TMEM63A: variants seen among roughly 807,000 people sequenced by gnomAD.
TMEM63A encodes transmembrane protein 63A.
A neutral mutation model predicts 100.6 loss-of-function variants in TMEM63A; 76 were observed. The ratio of observed to expected loss-of-function variants is 0.76; its 90% CI spans 0.63 to 0.91. The LOEUF is 0.91. Among genes scored for constraint, TMEM63A ranks in the 40% least tolerant of loss-of-function variants. The pLI, the probability that TMEM63A is intolerant of heterozygous loss-of-function variation, is 0.00. For missense variants in TMEM63A, 876 were observed against 1,008.8 expected (o/e 0.87, Z 1.78); for synonymous variants, 401 against 401.1 (o/e 1.00, Z 0.00).
chr1:225,848,679 G>A (rs1262062045), intron 22 of TMEM63A, 125 bp from the exon 23 acceptor site: 2 of 1,071,904 alleles, frequency 1.9e-6, no homozygotes, highest in Non-Finnish European at 2.7e-6. Flanking sequence ...CTCCCCAGCA[G>A]CCCGAGAGAG....
At chr1:225,873,042 C>CTT (rs1366997661) in intron 4 of TMEM63A, among the ~76,000 whole-genome samples, 3 of 152,114 alleles carry the variant, frequency 2.0e-5, no homozygotes, top group Non-Finnish European at 4.4e-5. Flanking sequence ...TGCCCCCCTA[C>CTT]TAAAGACAAA....
Position 225,855,876 on chromosome 1 carries a change from A to G in TMEM63A, c.1634+2T>C. 1 of 1,613,520 alleles carries G rather than the reference A, an allele frequency of 6.2e-7. No homozygotes were observed. Among genetic ancestry groups the G allele is most frequent in the African/African-American group, 1.3e-5 (1 of 74,868 alleles). On this transcript the variant is annotated splice_donor_variant, in intron 18 of 24. Coordinates refer to ENST00000366835, the MANE Select transcript of TMEM63A (RefSeq NM_014698.3). LOFTEE classifies it high-confidence loss of function. ...TCCAGAACTCAACTTGGCAATACTC[A>G]CTCCAACCTGATGGAGGCCTCCGAG...
chr1:225,841,894 G>A (rs1559026164), downstream of TMEM63A, among the ~76,000 whole-genome samples: 1 of 152,182 alleles, frequency 6.6e-6, no homozygotes, highest in Non-Finnish European at 1.5e-5. Flanking sequence ...ATGAGCCAAT[G>A]CCCCCAGCCT....
chr1:225,844,753 T>G, downstream of TMEM63A: 1 of 1,429,108 alleles, frequency 7.0e-7, no homozygotes, highest in Non-Finnish European at 9.5e-7. Flanking sequence ...CCAGGGGCCC[T>G]TGGATGGGAA....
At chr1:225,852,577 C>A in intron 20 of TMEM63A, 87 bp downstream of exon 20, 1 of 1,300,598 alleles carries the variant, frequency 7.7e-7, no homozygotes, top group Non-Finnish European at 1.1e-6. Context: ...CTCCATTGTG[C>A]CCTGGTGATA....
intron 2 of TMEM63A, chr1:225,877,805 G>C: frequency 4.0e-6 from 2 of 503,898 alleles, no homozygotes; most frequent in South Asian, 5.2e-5. Context: ...CAATCTCAGG[G>C]GATCAGATGG....
At chr1:225,873,095 T>C (rs1371280711) in intron 4 of TMEM63A, among the ~76,000 whole-genome samples, 1 of 152,172 alleles carries the variant, frequency 6.6e-6, no homozygotes, top group African/African-American at 2.4e-5. Context: ...GCAGAGACAC[T>C]GTCCCTTTTG....
intron 20 of TMEM63A, among the ~76,000 whole-genome samples, chr1:225,851,964 T>C (rs1669363047): frequency 6.6e-6 from 1 of 152,252 alleles, no homozygotes; most frequent in Admixed American, 6.5e-5. Context: ...GAAGGGGGAA[T>C]AGAAACAGGA....
chr1:225,858,983 TG>T (rs1414217432), intron 15 of TMEM63A, among the ~76,000 whole-genome samples: 2 of 151,362 alleles, frequency 1.3e-5, no homozygotes, highest in Non-Finnish European at 1.5e-5. Flanking sequence ...TGTGTGTGTG[TG>T]TGTGTGTGTG....
At chr1:225,856,451 T>C (rs1394270441) in intron 17 of TMEM63A, among the ~76,000 whole-genome samples, 5 of 151,906 alleles carry the variant, frequency 3.3e-5, no homozygotes, top group East Asian at 1.9e-4. Context: ...ATGGTGTTTT[T>C]TTCTTTTTTA....
intron 14 of TMEM63A, 134 bp from the exon 15 acceptor site, chr1:225,859,483 C>T (rs1374950515): frequency 5.7e-6 from 6 of 1,057,820 alleles, no homozygotes; most frequent in Non-Finnish European, 8.1e-6. Context: ...CCTTCAACTA[C>T]AGAAAGACCA....
At chr1:225,843,265 G>A (rs1668585932), downstream of TMEM63A, among the ~76,000 whole-genome samples, 1 of 152,202 alleles carries the variant, frequency 6.6e-6, no homozygotes, top group Admixed American at 6.5e-5. Flanking sequence ...TATCTGATTT[G>A]GGCCTTGGAG....
chr1:225,852,513 G>A (rs911506356), intron 20 of TMEM63A, 151 bp downstream of exon 20: 16 of 667,996 alleles, frequency 2.4e-5, no homozygotes, highest in Non-Finnish European at 3.9e-5. Context: ...AGTGAAATCT[G>A]GTGTCACGTG....
intron 3 of TMEM63A, among the ~76,000 whole-genome samples, chr1:225,875,588 G>T (rs937701187): frequency 2.0e-5 from 3 of 152,184 alleles, no homozygotes; most frequent in African/African-American, 7.2e-5. Context: ...TATTTTCAAA[G>T]GCAGGTGAGT....
intron 19 of TMEM63A, 112 bp from the exon 20 acceptor site, chr1:225,852,881 A>C (rs1055520424): frequency 1.1e-6 from 1 of 918,472 alleles, no homozygotes; most frequent in Non-Finnish European, 1.7e-6. Flanking sequence ...TGGAAATAGG[A>C]GATGCGTGGC....
intron 23 of TMEM63A, among the ~76,000 whole-genome samples, chr1:225,847,758 G>A (rs1373924499): frequency 1.3e-5 from 2 of 152,176 alleles, no homozygotes; most frequent in Admixed American, 6.5e-5. Context: ...CAGGTGTGTC[G>A]CTGGGTAATG....
chr1:225,880,723 C>T (rs769203240), intron 1 of TMEM63A, among the ~76,000 whole-genome samples: 1 of 152,178 alleles, frequency 6.6e-6, no homozygotes, highest in Non-Finnish European at 1.5e-5. Context: ...AAGTTCAACC[C>T]ATGTGCAGGC....
intron 19 of TMEM63A, among the ~76,000 whole-genome samples, 186 bp from the exon 20 acceptor site, chr1:225,852,955 C>T (rs999126239): frequency 2.6e-5 from 4 of 152,218 alleles, no homozygotes; most frequent in Non-Finnish European, 4.4e-5. Context: ...GTGCACCCAG[C>T]CCTCCCGAGG....
At chr1:225,849,362 C>A (rs1227423470) in intron 21 of TMEM63A, among the ~76,000 whole-genome samples, 2 of 152,300 alleles carry the variant, frequency 1.3e-5, no homozygotes, top group East Asian at 3.9e-4. Flanking sequence ...CCTCCCACAC[C>A]CCCAGTCTGA....
Sources: allele counts gnomAD v4.1 joint callset (sites outside exome capture counted in the v4.1 genomes callset), GRCh38; gene constraint gnomAD v4.1.1; transcripts MANE v1.5; gene names NCBI Gene and HGNC (gene_info 2026-07-23, HGNC 2026-07-21).